The following DHX30 variants were observed in gnomAD, a reference collection of about 807,000 sequenced individuals.
DHX30 encodes DExH-box helicase 30.
DHX30 carries 4 observed loss-of-function variants against 116.9 expected under a neutral mutation model. The observed-to-expected ratio is 0.03, with a 90% confidence interval of 0.02 to 0.08. The LOEUF (loss-of-function observed/expected upper bound fraction) is 0.08. Among genes scored for constraint, DHX30 ranks in the 10% least tolerant of loss-of-function variants. The pLI, the probability that DHX30 is intolerant of heterozygous loss-of-function variation, is 1.00. For missense variants in DHX30, 871 were observed against 1,595.1 expected (o/e 0.55, Z 7.73); for synonymous variants, 697 against 651.7 (o/e 1.07, Z -1.06).
chr3:47,821,459 G>A (rs1482856708), intron 4 of DHX30, among the ~76,000 whole-genome samples: 1 of 151,876 alleles, frequency 6.6e-6, no homozygotes, highest in African/African-American at 2.4e-5. Flanking sequence ...AGTAGAGATG[G>A]GGTTTCTCCA....
At chr3:47,814,666 G>A (rs555782312) in intron 3 of DHX30, among the ~76,000 whole-genome samples, 4 of 151,608 alleles carry the variant, frequency 2.6e-5, no homozygotes, top group African/African-American at 4.8e-5. Context: ...GACTACAGGC[G>A]CCAGCCACCA....
At chr3:47,836,377 C>T (rs1287507079) in intron 6 of DHX30, among the ~76,000 whole-genome samples, 1 of 152,034 alleles carries the variant, frequency 6.6e-6, no homozygotes, top group Non-Finnish European at 1.5e-5. Flanking sequence ...GGTGATCCGC[C>T]TGCCTCTGCC....
intron 5 of DHX30, among the ~76,000 whole-genome samples, chr3:47,827,940 C>T (rs1365409033): frequency 6.6e-6 from 1 of 152,046 alleles, no homozygotes; most frequent in Non-Finnish European, 1.5e-5. Context: ...CTCACAGTAA[C>T]CTCAAACTCC....
Position 47,827,158 on chromosome 3 carries a change from T to C in DHX30, c.125-189T>C, listed in dbSNP as rs186574433. 4.2e-3 allele frequency among the ~76,000 whole-genome samples: 634 copies of C among 152,182 alleles called. 7 individuals are homozygous for C. The highest frequency in any genetic ancestry group is 0.015 in the African/African-American group (611 of 41,508). On this transcript the variant is annotated intron_variant, in intron 4 of 21. Transcript: ENST00000445061. ...CTTCTTCAGGAGATGGTTATTCAAG[T>C]GGGTCTGGCCCCACTCTTCCCTGTA...
Position 47,848,745 on chromosome 3 carries a change from A to G in DHX30, c.2697A>G (p.Leu899=), listed in dbSNP as rs1055462910. The change falls in exon 17 of 22, where the codon CTA becomes CTG. Residue 899 remains leucine, a synonymous_variant. Coordinates refer to ENST00000445061, the MANE Select transcript of DHX30 (RefSeq NM_138615.3). This position sits in a 1 kb window ranked among gnomAD's most constrained non-coding sequence, Gnocchi z 9.4. ...LAAIFRCLHP[L]LVVVSCLTRD... Reference sequence around the variant, plus strand: ...CCATCTTCCGTTGCCTGCACCCACTACTGGTGGTCGTTTCCTGCCTCACCC... The same window carrying G: ...CCATCTTCCGTTGCCTGCACCCACTGCTGGTGGTCGTTTCCTGCCTCACCC... 9 of 1,613,912 alleles carry G rather than the reference A, an allele frequency of 5.6e-6. No homozygotes were observed. Among genetic ancestry groups the G allele is most frequent in the Non-Finnish European group, 6.8e-6 (8 of 1,179,982 alleles).
In DHX30 at chr3:47,848,551, G is replaced by GT. The variant is rs773595533; in HGVS notation, c.2575+2dup. 6.1e-5 allele frequency: 69 copies of GT among 1,132,198 alleles called. No homozygotes were observed. In the African/African-American group the frequency reaches 1.0e-3, roughly 16 times the overall value. The allele number at this position is 1,132,198 out of a possible 1,614,324, so 70.1% of individuals were successfully genotyped here. ...GCTGTGATCTTGCTCCAGGAGATCG[G>GT]TATGTAGGGGCTGGGCTGGGCTGGG... On this transcript the variant is annotated splice_donor_variant, in intron 16 of 21. Transcript: ENST00000445061. LOFTEE classifies it high-confidence loss of function. The surrounding 1 kb of genome is among the most constrained non-coding windows in gnomAD (Gnocchi z 9.4).
Position 47,847,817 on chromosome 3 carries a change from T to C in DHX30, c.2147T>C (p.Ile716Thr). The change falls in exon 14 of 22, where the codon ATA becomes ACA. Residue 716 changes from isoleucine to threonine, a missense_variant. By Grantham distance (89) the Ile-to-Thr change is moderately conservative. Transcript: ENST00000445061. The surrounding 1 kb of genome is among the most constrained non-coding windows in gnomAD (Gnocchi z 5.5). ...SNIPMMDQKA[I>T]FQQPPVGVRK... Reference sequence around the variant, plus strand: ...ATCCCCATGATGGATCAGAAGGCCATATTCCAGCAGCCTCCAGTTGGGGTG... The same window carrying C: ...ATCCCCATGATGGATCAGAAGGCCACATTCCAGCAGCCTCCAGTTGGGGTG... 1 of 1,614,146 alleles carries C rather than the reference T, an allele frequency of 6.2e-7. No homozygotes were observed. The highest frequency in any genetic ancestry group is 8.5e-7 in the Non-Finnish European group (1 of 1,180,024).
intron 2 of DHX30, among the ~76,000 whole-genome samples, chr3:47,806,023 G>A (rs372769966): frequency 1.3e-5 from 2 of 151,930 alleles, no homozygotes; most frequent in African/African-American, 4.8e-5. Context: ...AGACAGTCTT[G>A]CCCTGTCGCC....
chr3:47,848,264 G>A lies in DHX30; in HGVS notation c.2371G>A (p.Ala791Thr). The change falls in exon 15 of 22, where the codon GCC becomes ACC. Residue 791 changes from alanine to threonine, a missense_variant. Physicochemically the swap from Ala to Thr is moderately conservative, Grantham distance 58. Transcript: ENST00000445061. The surrounding 1 kb of genome is among the most constrained non-coding windows in gnomAD (Gnocchi z 9.4). ...GGCGGGCCGCTGCCAGTCCGGCTTT[G>A]CCTACCACTTGTTCCCTCGAAGCCG... ...GRAGRCQSGF[A>T]YHLFPRSRLE... 1 of 1,613,710 alleles carries A rather than the reference G, an allele frequency of 6.2e-7. No homozygotes were observed. The highest frequency in any genetic ancestry group is 1.1e-5 in the South Asian group (1 of 91,086).
Position 47,849,008 on chromosome 3 carries a change from A to C in DHX30, c.2858A>C (p.Gln953Pro). ...VAGWEEVLRW[Q>P]DRSSRENYLE... ...GGCTGGGAGGAGGTGCTGCGTTGGC[A>C]GGACCGCAGCTCCCGGGAGAATTAC... The change falls in exon 18 of 22, where the codon CAG (glutamine) becomes CCG (proline). Residue 953 changes from glutamine to proline, a missense_variant. Around this residue, in one of 13 missense-constraint regions of DHX30, gnomAD observed 238 missense variants for 481.0 expected, o/e 0.49. Transcript: ENST00000445061. 1.9e-6 allele frequency: 3 copies of C among 1,613,536 alleles called. No individual in the cohort carries two copies. Among genetic ancestry groups the C allele is most frequent in the Non-Finnish European group, 2.5e-6 (3 of 1,179,820 alleles).
At chr3:47,828,675 G>T (rs2036661574) in intron 5 of DHX30, among the ~76,000 whole-genome samples, 1 of 151,906 alleles carries the variant, frequency 6.6e-6, no homozygotes, top group East Asian at 1.9e-4. Context: ...GGAGGCTGAG[G>T]CAGGAGAATG....
At chr3:47,816,514 T>C (rs940176984) in intron 3 of DHX30, 23 of 927,246 alleles carry the variant, frequency 2.5e-5, no homozygotes, top group Non-Finnish European at 3.9e-6. Context: ...CACGCCACCA[T>C]GCCCTGCCAA....
intron 2 of DHX30, among the ~76,000 whole-genome samples, chr3:47,808,896 T>C (rs955868656): frequency 2.6e-5 from 4 of 151,340 alleles, no homozygotes; most frequent in South Asian, 2.1e-4. Flanking sequence ...TTTTTGTTTT[T>C]GTTTTTTTTG....
At position 47,847,248 on chromosome 3, in the gene DHX30, T is replaced by C. The variant is rs1285488504; in HGVS notation, c.1930-25T>C. 3 of 1,614,064 alleles carry C rather than the reference T, an allele frequency of 1.9e-6. No individual in the cohort carries two copies. Among genetic ancestry groups the C allele is most frequent in the African/African-American group, 1.3e-5 (1 of 74,938 alleles). ...TGACCCCTTACCCCGGGGCTGTGACTGTGGCCTCTCTTCCCCCACCCCAGT... is the reference window on the plus strand; with the variant it reads ...TGACCCCTTACCCCGGGGCTGTGACCGTGGCCTCTCTTCCCCCACCCCAGT... On this transcript the variant is annotated intron_variant, in intron 11 of 21. Transcript: ENST00000445061. This position sits in a 1 kb window ranked among gnomAD's most constrained non-coding sequence, Gnocchi z 5.5.
chr3:47,835,518 T>C (rs2037067806), intron 6 of DHX30, among the ~76,000 whole-genome samples: 1 of 151,370 alleles, frequency 6.6e-6, no homozygotes, highest in Non-Finnish European at 1.5e-5. Context: ...TTGGCTAGGC[T>C]GGTCTCGAAC....
At position 47,841,719 on chromosome 3, in the gene DHX30, G is replaced by A. The variant is rs199587703; in HGVS notation, c.771G>A (p.Thr257=). 6 of 1,614,228 alleles carry A rather than the reference G, an allele frequency of 3.7e-6. No homozygotes were observed. In the East Asian group the frequency reaches 6.7e-5, roughly 18 times the overall value. ...TGGCCAAGGTGATTCAGATTGCAACGTCATCCTCCACAGCTAAGGTGAGTT... is the reference window on the plus strand; with the variant it reads ...TGGCCAAGGTGATTCAGATTGCAACATCATCCTCCACAGCTAAGGTGAGTT... The part of the protein sequence containing the change: ...NLLAKVIQIA[T]SSSTAKNLMQ... The change falls in exon 8 of 22, where the codon ACG becomes ACA. Residue 257 remains threonine (T), a synonymous_variant. Transcript: ENST00000445061.
At chr3:47,815,723 C>CAAAAAA (rs11349970) in intron 3 of DHX30, among the ~76,000 whole-genome samples, 20 of 20,750 alleles carry the variant, frequency 9.6e-4, no homozygotes, top group East Asian at 3.8e-3. Flanking sequence ...TAAAAAAGAG[C>CAAAAAA]AAAAAAAAAA....
At chr3:47,842,009 G>GC in intron 8 of DHX30, 2 of 459,344 alleles carry the variant, frequency 4.4e-6, no homozygotes, top group Non-Finnish European at 3.9e-6. Context: ...AGGGTTAGAG[G>GC]TGTGGGTCTT....
chr3:47,847,256 C>T lies in DHX30; in HGVS notation c.1930-17C>T. On this transcript the variant is annotated splice_polypyrimidine_tract_variant and intron_variant, in intron 11 of 21. Coordinates refer to ENST00000445061, the MANE Select transcript of DHX30 (RefSeq NM_138615.3). The surrounding 1 kb of genome is among the most constrained non-coding windows in gnomAD (Gnocchi z 5.5). Reference sequence around the variant, plus strand: ...TACCCCGGGGCTGTGACTGTGGCCTCTCTTCCCCCACCCCAGTCTGAGGAT... The same window carrying T: ...TACCCCGGGGCTGTGACTGTGGCCTTTCTTCCCCCACCCCAGTCTGAGGAT... 6.2e-7 allele frequency: 1 copy of T among 1,614,224 alleles called. No individual in the cohort carries two copies. The highest frequency in any genetic ancestry group is 8.5e-7 in the Non-Finnish European group (1 of 1,180,024).
Sources: allele counts gnomAD v4.1 joint callset (sites outside exome capture counted in the v4.1 genomes callset), GRCh38; gene constraint gnomAD v4.1.1; regional missense constraint gnomAD v4.1.1; non-coding constraint Gnocchi (gnomAD v3.1); transcripts MANE v1.5; gene names NCBI Gene and HGNC (gene_info 2026-07-23, HGNC 2026-07-21).